The following CTDP1 variants were observed in gnomAD, a reference collection of about 807,000 sequenced individuals.
CTDP1 encodes the protein RNA polymerase II subunit A C-terminal domain phosphatase.
CTDP1 carries 47 observed loss-of-function variants against 91.8 expected under a neutral mutation model. The observed-to-expected ratio is 0.51, with a 90% CI of 0.41 to 0.65. The LOEUF is 0.65. Ranked by LOEUF, CTDP1 falls within the 30% of genes least tolerant of loss-of-function variation. The pLI, the probability that CTDP1 is intolerant of heterozygous loss-of-function variation, is 0.00. For synonymous variants in CTDP1, 656 were observed against 598.5 expected (o/e 1.10, Z -1.40); for missense variants, 1,272 against 1,373.7 (o/e 0.93, Z 1.17).
In CTDP1 at chr18:79,726,709, A is replaced by T. The variant is rs560100612; in HGVS notation, c.2418-2198A>T. ...ACACGGCCTCTTTTTGATGCCTGAG[A>T]GTGGGGGATGGAGGTGACGAGGCCA... On this transcript the variant is annotated intron_variant, in intron 10 of 12. Transcript: ENST00000613122. 2.9e-5 allele frequency among the ~76,000 whole-genome samples: 4 copies of T among 140,278 alleles called. No individual in the cohort carries two copies. The East Asian group carries it at 8.2e-4, about 29-fold the overall frequency. The allele number at this position is 140,278 out of a possible 152,430, so 92.0% of individuals were successfully genotyped here. A position where few individuals can be genotyped will look rare whatever the true frequency, so the allele number is the denominator to read the frequency against.
intron 1 of CTDP1, among the ~76,000 whole-genome samples, chr18:79,690,190 G>T (rs576789142): frequency 6.6e-6 from 1 of 152,202 alleles, no homozygotes; most frequent in African/African-American, 2.4e-5. Context: ...ACCTGGAGGC[G>T]ATGCTCAGAG....
chr18:79,698,587 C>T lies in CTDP1; in HGVS notation c.621+599C>T, dbSNP rs116826325. Among the ~76,000 whole-genome samples, 966 of 152,242 alleles carry T rather than the reference C, an allele frequency of 6.3e-3. 4 individuals carry two copies. The highest frequency in any genetic ancestry group is 0.019 in the African/African-American group (780 of 41,524). On this transcript the variant is annotated intron_variant, in intron 4 of 12. Transcript: ENST00000613122. Reference sequence around the variant, plus strand: ...AACCAGAGAAGCTGAATTTCTAGACCGAAGGCTTTGAATGTCTGTGCCCAG... The same window carrying T: ...AACCAGAGAAGCTGAATTTCTAGACTGAAGGCTTTGAATGTCTGTGCCCAG...
At chr18:79,751,206 C>A (rs1171676602) in intron 12 of CTDP1, among the ~76,000 whole-genome samples, 1 of 89,766 alleles carries the variant, frequency 1.1e-5, no homozygotes, top group Non-Finnish European at 2.1e-5. Flanking sequence ...GCACAGAAGA[C>A]AGGCTAGGGA....
At chr18:79,746,262 T>G in intron 12 of CTDP1, among the ~76,000 whole-genome samples, 1 of 62,880 alleles carries the variant, frequency 1.6e-5, no homozygotes, top group Non-Finnish European at 3.4e-5. Flanking sequence ...CCGTGCGCGT[T>G]CTGTGCCCGC....
At chr18:79,736,286 G>A in intron 11 of CTDP1, 69 bp from the exon 12 acceptor site, 1 of 1,544,216 alleles carries the variant, frequency 6.5e-7, no homozygotes, top group Non-Finnish European at 8.7e-7. Context: ...GACTCTGCCG[G>A]GAGAAGCCTG....
chr18:79,677,697 T>C (rs1457581385), upstream of CTDP1: 1 of 152,294 alleles, frequency 6.6e-6, no homozygotes, highest in Non-Finnish European at 1.5e-5. Flanking sequence ...CTGTAAATGT[T>C]GCCCATGCTG....
chr18:79,733,191 C>T (rs1384208341), intron 11 of CTDP1, among the ~76,000 whole-genome samples: 4 of 150,932 alleles, frequency 2.7e-5, no homozygotes, highest in South Asian at 2.1e-4. Flanking sequence ...GTGCGTTTGT[C>T]GTGTGTGGAT....
At chr18:79,680,424 C>T (rs1268921433) in intron 1 of CTDP1, among the ~76,000 whole-genome samples, 163 bp downstream of exon 1, 1 of 152,240 alleles carries the variant, frequency 6.6e-6, no homozygotes, top group East Asian at 1.9e-4. Context: ...TGGATAGTCA[C>T]CACCTGTGGT....
intron 5 of CTDP1, among the ~76,000 whole-genome samples, chr18:79,708,978 A>G (rs143681768): frequency 1.3e-5 from 2 of 152,388 alleles, no homozygotes; most frequent in African/African-American, 4.8e-5. Context: ...TGTGGGTGCC[A>G]TGGAATACCT....
intron 10 of CTDP1, among the ~76,000 whole-genome samples, chr18:79,727,416 G>A (rs1001533403): frequency 4.6e-5 from 7 of 152,000 alleles, no homozygotes; most frequent in African/African-American, 9.7e-5. Flanking sequence ...GATGGGAAGC[G>A]CAGCGTTCGT....
intron 10 of CTDP1, 43 bp downstream of exon 10, chr18:79,718,059 T>G (rs772921619): frequency 1.2e-6 from 2 of 1,605,662 alleles, no homozygotes; most frequent in Admixed American, 3.3e-5. Flanking sequence ...ATGAGGGCTC[T>G]TCAAGCTTGC....
At chr18:79,733,731 C>T (rs2086612557) in intron 11 of CTDP1, among the ~76,000 whole-genome samples, 1 of 152,144 alleles carries the variant, frequency 6.6e-6, no homozygotes, top group Non-Finnish European at 1.5e-5. Flanking sequence ...TGTTTCCCGT[C>T]CTCTCTCTTG....
downstream of CTDP1, chr18:79,754,662 CAG>C (rs1385307011): frequency 6.6e-6 from 1 of 152,270 alleles, no homozygotes; most frequent in Non-Finnish European, 1.5e-5. Context: ...GTGATGATCT[CAG>C]GGTTTCGCCT....
rs763079269 is a variant in CTDP1, at chr18:79,704,895, G to A, written c.750G>A (p.Arg250=). ...TGCACGTCTTCACCTTCGGCAGCCG[G>A]CTGTACGCACACACCATCGCAGGTC... is the stretch of plus-strand genomic sequence containing the variant. ...YELHVFTFGS[R]LYAHTIAGFL... is the part of the protein sequence containing the mutation. The change falls in exon 5 of 13, where the codon CGG becomes CGA. Residue 250 remains arginine, a synonymous_variant. Transcript: ENST00000613122. 6.2e-7 allele frequency: 1 copy of A among 1,613,414 alleles called. No homozygotes were observed. Among genetic ancestry groups the A allele is most frequent in the Admixed American group, 1.7e-5 (1 of 60,032 alleles).
At chr18:79,712,864 G>A in intron 6 of CTDP1, 108 bp from the exon 7 acceptor site, 3 of 1,235,174 alleles carry the variant, frequency 2.4e-6, no homozygotes, top group Non-Finnish European at 2.3e-6. Flanking sequence ...TTAACCTGCT[G>A]TCTGCTGGTT....
chr18:79,689,794 G>A (rs2085582156), intron 1 of CTDP1, among the ~76,000 whole-genome samples: 2 of 152,152 alleles, frequency 1.3e-5, no homozygotes, highest in African/African-American at 2.4e-5. Context: ...TAAGTAACAT[G>A]TCTATTTAGC....
intron 1 of CTDP1, among the ~76,000 whole-genome samples, chr18:79,688,588 C>T (rs1194597369): frequency 6.6e-6 from 1 of 150,588 alleles, no homozygotes; most frequent in Non-Finnish European, 1.5e-5. Context: ...TTAGTAGAGG[C>T]AGGGTTTTAC....
chr18:79,694,775 C>G lies in CTDP1; in HGVS notation c.315-450C>G, dbSNP rs188032538. 1.5e-3 allele frequency among the ~76,000 whole-genome samples: 233 copies of G among 152,318 alleles called. 2 individuals carry two copies. The highest frequency in any genetic ancestry group is 2.2e-3 in the Non-Finnish European group (147 of 68,036). ...TAAAACAGTTTGTGTTTATATAAAA[C>G]GAACATTACAGTCATTTTGTCAGGA... On this transcript the variant is annotated intron_variant, in intron 1 of 12. Transcript: ENST00000613122.
intron 1 of CTDP1, 23 bp downstream of exon 1, chr18:79,680,284 G>A: frequency 8.0e-7 from 1 of 1,246,650 alleles, no homozygotes; most frequent in South Asian, 3.2e-5. Flanking sequence ...AGCCGGGCGG[G>A]GCCGAGGGCG....
Sources: allele counts gnomAD v4.1 joint callset (sites outside exome capture counted in the v4.1 genomes callset), GRCh38; gene constraint gnomAD v4.1.1; transcripts MANE v1.5; gene names NCBI Gene and HGNC (gene_info 2026-07-23, HGNC 2026-07-21).